The following ROBO2 variants were observed in gnomAD, a reference collection of about 807,000 sequenced individuals.
The protein encoded by ROBO2 is roundabout homolog 2.
Under a neutral mutation model 160.8 loss-of-function variants are expected in ROBO2, and 53 were observed. The observed-to-expected ratio is 0.33, with a 90% CI of 0.26 to 0.41. The LOEUF is 0.41. ROBO2 is among the 10% of genes least tolerant of loss of function. The pLI is 1.00. For missense variants in ROBO2, 1,577 were observed against 1,722.4 expected, an observed-to-expected ratio of 0.92 and a Z score of 1.49; for synonymous variants, 664 against 611.7, an observed-to-expected ratio of 1.09 and a Z score of -1.26.
chr3:76,719,596 C>T (rs2093433087), intron 2 of ROBO2, among the ~76,000 whole-genome samples: 1 of 152,142 alleles, frequency 6.6e-6, no homozygotes, highest in African/African-American at 2.4e-5. Flanking sequence ...AAGAAATTTA[C>T]AATAAGGCCG....
At chr3:76,103,371 G>T (rs1436626507) in intron 2 of ROBO2, among the ~76,000 whole-genome samples, 3 of 152,202 alleles carry the variant, frequency 2.0e-5, no homozygotes, top group Admixed American at 6.5e-5. Flanking sequence ...CTACTCTGAA[G>T]TGTTCTGTAC....
chr3:77,150,512 G>T (rs1465552846), intron 2 of ROBO2, among the ~76,000 whole-genome samples: 1 of 152,154 alleles, frequency 6.6e-6, no homozygotes, highest in Admixed American at 6.6e-5. Flanking sequence ...TTTTTAAGCA[G>T]TGATTCTTTT....
intron 2 of ROBO2, among the ~76,000 whole-genome samples, chr3:76,451,629 C>T (rs1334976287): frequency 2.0e-5 from 3 of 152,094 alleles, no homozygotes; most frequent in African/African-American, 4.8e-5. Flanking sequence ...ATTTATATTT[C>T]CATTAAGCAC....
intron 2 of ROBO2, among the ~76,000 whole-genome samples, chr3:76,497,637 C>T (rs951746477): frequency 1.3e-5 from 2 of 152,162 alleles, no homozygotes; most frequent in Admixed American, 6.5e-5. Context: ...TAGATGTTGC[C>T]ATGAAGGTGG....
chr3:75,923,649 C>G (rs1236887402), intron 1 of ROBO2, among the ~76,000 whole-genome samples: 1 of 152,114 alleles, frequency 6.6e-6, no homozygotes, highest in East Asian at 1.9e-4. Context: ...GCAATACACA[C>G]CAAATGAAAT....
chr3:77,599,070 C>T (rs776580582), intron 19 of ROBO2, among the ~76,000 whole-genome samples: 11 of 152,102 alleles, frequency 7.2e-5, no homozygotes, highest in African/African-American at 2.7e-4. Flanking sequence ...CCTTAATTTT[C>T]ATGATGTGAA....
At position 76,497,855 on chromosome 3, in the gene ROBO2, C is replaced by T. The variant is rs906091700; in HGVS notation, c.109+560253C>T. Among the ~76,000 whole-genome samples the T allele has an allele frequency of 2.0e-5, 3 of 152,068 alleles. No homozygotes were observed. In the East Asian group the frequency reaches 5.8e-4, roughly 29 times the overall value. ...GCATTCCCAGCATTCCCAGCATTCCCAGCATTTCCAGCATTCCCAGCATTT... is the reference window on the plus strand; with the variant it reads ...GCATTCCCAGCATTCCCAGCATTCCTAGCATTTCCAGCATTCCCAGCATTT... On this transcript the variant is annotated intron_variant, in intron 2 of 26. Transcript: ENST00000487694.
At chr3:77,031,776 T>C (rs1353027295) in intron 2 of ROBO2, among the ~76,000 whole-genome samples, 1 of 150,120 alleles carries the variant, frequency 6.7e-6, no homozygotes, top group South Asian at 2.1e-4. Context: ...TGAAATTCCA[T>C]GGGGAGGTAT....
chr3:76,000,305 A>T (rs1463950858), intron 2 of ROBO2, among the ~76,000 whole-genome samples: 1 of 152,104 alleles, frequency 6.6e-6, no homozygotes, highest in East Asian at 1.9e-4. Context: ...TGTATACTTA[A>T]GTTCTTTAAG....
chr3:75,908,585 T>A lies in ROBO2; in HGVS notation c.-14+1625T>A, dbSNP rs78203585. On this transcript the variant is annotated intron_variant, in intron 1 of 26. Transcript: ENST00000487694. ...TATAAACCATAAGAATTCAGACCTA[T>A]GCTATTTAACTTCAAGTTTAGTTCT... Among the ~76,000 whole-genome samples the A allele has an allele frequency of 4.5e-3, 679 of 152,300 alleles. 3 individuals carry two copies. Among genetic ancestry groups the A allele is most frequent in the African/African-American group, 0.016 (655 of 41,582 alleles).
chr3:77,487,960 AC>A (rs1452172101), intron 4 of ROBO2, among the ~76,000 whole-genome samples: 1 of 152,184 alleles, frequency 6.6e-6, no homozygotes, highest in African/African-American at 2.4e-5. Context: ...TTTGCTGGGC[AC>A]TTAATTTTTT....
At chr3:77,263,943 T>C (rs1347287012) in intron 2 of ROBO2, among the ~76,000 whole-genome samples, 1 of 150,364 alleles carries the variant, frequency 6.7e-6, no homozygotes, top group Non-Finnish European at 1.5e-5. Context: ...AAATAAACTG[T>C]TGTGAGAATT....
chr3:76,383,311 G>T (rs2076726225), intron 2 of ROBO2, among the ~76,000 whole-genome samples: 1 of 152,120 alleles, frequency 6.6e-6, no homozygotes, highest in African/African-American at 2.4e-5. Context: ...GATGAATAGA[G>T]AATATATTCA....
chr3:77,049,396 C>T (rs910017248), intron 1 of ROBO2, among the ~76,000 whole-genome samples: 3 of 152,100 alleles, frequency 2.0e-5, no homozygotes, highest in Non-Finnish European at 4.4e-5. Flanking sequence ...TCTTTAAAAA[C>T]AATAACAGTC....
intron 2 of ROBO2, among the ~76,000 whole-genome samples, chr3:76,342,585 ACTATCT>A (rs2074293352): frequency 6.6e-6 from 1 of 152,030 alleles, no homozygotes; most frequent in Admixed American, 6.6e-5. Context: ...GGATGGATAC[ACTATCT>A]CTATCTTCCA....
intron 13 of ROBO2, 75 bp downstream of exon 14, chr3:77,568,509 C>A: frequency 6.5e-7 from 1 of 1,540,334 alleles, no homozygotes; most frequent in Non-Finnish European, 9.0e-7. Flanking sequence ...TGCAAATGAA[C>A]AAAGAGTGAT....
At chr3:77,003,248 C>A (rs1043031204) in intron 2 of ROBO2, among the ~76,000 whole-genome samples, 9 of 152,142 alleles carry the variant, frequency 5.9e-5, no homozygotes, top group Middle Eastern at 3.4e-3. Context: ...AATTACTGTC[C>A]CTATAGCTGC....
chr3:77,436,221 A>C (rs2079269852), intron 2 of ROBO2, among the ~76,000 whole-genome samples: 2 of 151,620 alleles, frequency 1.3e-5, no homozygotes, highest in Admixed American at 1.3e-4. Context: ...AGATGGAAGA[A>C]ATGTTTTCTG....
At chr3:77,099,197 A>T (rs151067948) in intron 2 of ROBO2, among the ~76,000 whole-genome samples, 1 of 149,308 alleles carries the variant, frequency 6.7e-6, no homozygotes, top group South Asian at 2.1e-4. Flanking sequence ...TCAGCCTCCC[A>T]AGTAGCTGGG....
Sources: allele counts gnomAD v4.1 joint callset (sites outside exome capture counted in the v4.1 genomes callset), GRCh38; gene constraint gnomAD v4.1.1; transcripts MANE v1.5; gene names NCBI Gene and HGNC (gene_info 2026-07-23, HGNC 2026-07-21).